Variants in PKNOX2 observed in about 807,000 individuals in gnomAD.
PKNOX2 encodes the protein PBX/knotted 1 homeobox 2, also known as homeobox protein PKNOX2.
Under a neutral mutation model 53.1 loss-of-function variants are expected in PKNOX2, and 14 were observed. That is an observed-to-expected ratio of 0.26 (90% CI 0.17 to 0.41). The LOEUF (loss-of-function observed/expected upper bound fraction) is 0.41, where lower values mean the gene tolerates loss of function less well. PKNOX2 is among the 10% of genes least tolerant of loss of function. PKNOX2 has a pLI of 1.00. For synonymous variants in PKNOX2, 257 were observed against 242.8 expected (o/e 1.06, Z -0.54); for missense variants, 496 against 602.8 (o/e 0.82, Z 1.85).
At chr11:125,191,513 G>T (rs556905272) in intron 1 of PKNOX2, 1 of 152,386 alleles carries the variant, frequency 6.6e-6, no homozygotes, top group South Asian at 2.1e-4. Flanking sequence ...AAGTGGTGGG[G>T]GTGGCGGGTC....
intron 2 of PKNOX2, among the ~76,000 whole-genome samples, chr11:125,299,820 C>G (rs1358981841): frequency 6.6e-6 from 1 of 151,492 alleles, no homozygotes; most frequent in East Asian, 2.0e-4. Context: ...TCCTGAGCCT[C>G]GGTTCTGAGC....
At chr11:125,420,197 C>A (rs575216724) in intron 10 of PKNOX2, among the ~76,000 whole-genome samples, 3 of 140,744 alleles carry the variant, frequency 2.1e-5, no homozygotes, top group Admixed American at 1.5e-4. Context: ...CTCCCCACCA[C>A]ATTTCCCCCA....
chr11:125,287,258 C>A (rs1243361348), intron 2 of PKNOX2, among the ~76,000 whole-genome samples: 1 of 152,150 alleles, frequency 6.6e-6, no homozygotes, highest in African/African-American at 2.4e-5. Context: ...GACCCCAGAG[C>A]CCGGGCTGAA....
chr11:125,285,846 C>T (rs911178478), intron 2 of PKNOX2, among the ~76,000 whole-genome samples: 2 of 152,248 alleles, frequency 1.3e-5, no homozygotes, highest in Admixed American at 6.5e-5. Flanking sequence ...AAGCACTTCA[C>T]TACCATCCAT....
intron 2 of PKNOX2, among the ~76,000 whole-genome samples, chr11:125,316,874 C>T (rs1457073706): frequency 6.6e-6 from 1 of 152,184 alleles, no homozygotes; most frequent in East Asian, 1.9e-4. Context: ...TTGACAGACT[C>T]ACCGTCTCAC....
intron 1 of PKNOX2, among the ~76,000 whole-genome samples, chr11:125,226,534 C>T (rs73617558): frequency 0.016 from 2,422 of 152,112 alleles, 59 homozygotes; most frequent in African/African-American, 0.055. Flanking sequence ...GGACAAGGGC[C>T]GTCTCCTAGG....
intron 10 of PKNOX2, among the ~76,000 whole-genome samples, chr11:125,412,311 G>A (rs1955609955): frequency 6.6e-6 from 1 of 152,210 alleles, no homozygotes; most frequent in African/African-American, 2.4e-5. Context: ...CCCACTGGGT[G>A]AGCCAAGCGC....
chr11:125,398,190 G>T, intron 7 of PKNOX2, 128 bp downstream of exon 7: 1 of 899,276 alleles, frequency 1.1e-6, no homozygotes, highest in Non-Finnish European at 1.7e-6. Context: ...TGCCATGAGG[G>T]CCCTCCTCTG....
chr11:125,167,646 T>G (rs1222590456), intron 1 of PKNOX2, among the ~76,000 whole-genome samples: 1 of 152,230 alleles, frequency 6.6e-6, no homozygotes. Context: ...ATACCCAACT[T>G]GAGACTGGCT....
intron 5 of PKNOX2, 75 bp from the exon 6 acceptor site, chr11:125,385,476 C>T: frequency 6.8e-7 from 1 of 1,477,284 alleles, no homozygotes; most frequent in South Asian, 1.4e-5. Flanking sequence ...GGCAGGGGAG[C>T]CTGGTGGCTT....
At chr11:125,429,130 G>A (rs752029058) in intron 11 of PKNOX2, 42 bp downstream of exon 11, 22 of 1,535,222 alleles carry the variant, frequency 1.4e-5, no homozygotes, top group Admixed American at 1.2e-4. Context: ...AGATCCAGGG[G>A]CCACCTTCTG....
chr11:125,334,357 G>A (rs12360927), intron 3 of PKNOX2, among the ~76,000 whole-genome samples: 7,954 of 152,202 alleles, frequency 0.052, 298 homozygotes, highest in Middle Eastern at 0.078. Context: ...TCATGGATTG[G>A]GTAAAGGAGC....
chr11:125,221,727 A>G (rs1941172135), intron 1 of PKNOX2, among the ~76,000 whole-genome samples: 1 of 152,076 alleles, frequency 6.6e-6, no homozygotes, highest in Admixed American at 6.5e-5. Context: ...ATTTGTATGC[A>G]ATTTGTTTCA....
intron 9 of PKNOX2, chr11:125,411,509 T>TCTCTCTCCCC (rs1491258659): frequency 2.2e-5 from 7 of 316,760 alleles, no homozygotes; most frequent in Admixed American, 4.2e-5. Flanking sequence ...TCTCTCTCTC[T>TCTCTCTCCCC]CCCCCCCTTC....
intron 6 of PKNOX2, among the ~76,000 whole-genome samples, chr11:125,395,221 T>A (rs559160755): frequency 6.6e-6 from 1 of 152,234 alleles, no homozygotes; most frequent in Non-Finnish European, 1.5e-5. Flanking sequence ...TCCCTTGCAA[T>A]CTATCCACAT....
chr11:125,249,797 C>T (rs770391603), intron 2 of PKNOX2, among the ~76,000 whole-genome samples: 12 of 152,154 alleles, frequency 7.9e-5, no homozygotes, highest in African/African-American at 1.4e-4. Context: ...GGGCTGCACG[C>T]GGTAGCTCAC....
At chr11:125,172,597 C>A (rs1244198067) in intron 1 of PKNOX2, among the ~76,000 whole-genome samples, 1 of 152,168 alleles carries the variant, frequency 6.6e-6, no homozygotes, top group East Asian at 1.9e-4. Context: ...AGGGACTTAC[C>A]TTCTCTGGAT....
chr11:125,416,220 G>C (rs907796812), intron 10 of PKNOX2, among the ~76,000 whole-genome samples: 1 of 148,254 alleles, frequency 6.7e-6, no homozygotes, highest in Non-Finnish European at 1.5e-5. Context: ...GGAGAATGGC[G>C]TGAACCCGGG....
At chr11:125,180,498 C>G (rs1956094765) in intron 1 of PKNOX2, among the ~76,000 whole-genome samples, 1 of 152,204 alleles carries the variant, frequency 6.6e-6, no homozygotes, top group Non-Finnish European at 1.5e-5. Context: ...TTGGAAGGAA[C>G]TAAGTCATTG....
Sources: allele counts gnomAD v4.1 joint callset (sites outside exome capture counted in the v4.1 genomes callset), GRCh38; gene constraint gnomAD v4.1.1; transcripts MANE v1.5; gene names NCBI Gene and HGNC (gene_info 2026-07-23, HGNC 2026-07-21).